Variants in CTNNA3 observed in about 807,000 individuals in gnomAD.
CTNNA3 encodes the protein catenin alpha 3, also known as catenin alpha-3.
In CTNNA3, 76 loss-of-function variants were observed where a neutral mutation model predicts 95.7. The observed-to-expected ratio is 0.79, with a 90% CI of 0.66 to 0.96. CTNNA3 has a LOEUF of 0.96. CTNNA3 is among the 40% of genes least tolerant of loss of function. The pLI, the probability that CTNNA3 is intolerant of heterozygous loss-of-function variation, is 0.00. For synonymous variants in CTNNA3, 431 were observed against 374.4 expected, an observed-to-expected ratio of 1.15 and a Z score of -1.74; for missense variants, 1,191 against 1,089.8, an observed-to-expected ratio of 1.09 and a Z score of -1.31.
chr10:67,301,481 C>T (rs1840267950), intron 5 of CTNNA3, among the ~76,000 whole-genome samples: 1 of 152,172 alleles, frequency 6.6e-6, no homozygotes, highest in Non-Finnish European at 1.5e-5. Flanking sequence ...ATCATATCAT[C>T]CAGCAATCCC....
At position 66,275,824 on chromosome 10, in the gene CTNNA3, GA is replaced by G. The variant is rs1017313852; in HGVS notation, c.1884+4645del. Reference sequence around the variant, plus strand: ...GAAAAGATGTCTACAAGGCCACCAAGAAAAAAAAAATGTTAAGGAAGAAAAT... The same window carrying G: ...GAAAAGATGTCTACAAGGCCACCAAGAAAAAAAAATGTTAAGGAAGAAAAT... On this transcript the variant is annotated intron_variant, in intron 13 of 17. Coordinates refer to ENST00000433211, the MANE Select transcript of CTNNA3 (RefSeq NM_013266.4). 2.0e-4 allele frequency among the ~76,000 whole-genome samples: 29 copies of G among 147,302 alleles called. No homozygotes were observed. The East Asian group carries it at 2.0e-3, about 10-fold the overall frequency.
chr10:67,156,841 T>C (rs1478145697), intron 7 of CTNNA3, among the ~76,000 whole-genome samples: 1 of 152,110 alleles, frequency 6.6e-6, no homozygotes, highest in Non-Finnish European at 1.5e-5. Context: ...TGCTTCCTTA[T>C]TGATATTTTG....
intron 5 of CTNNA3, among the ~76,000 whole-genome samples, chr10:67,477,826 T>C (rs1012927656): frequency 1.3e-5 from 2 of 152,144 alleles, no homozygotes; most frequent in Non-Finnish European, 2.9e-5. Context: ...TCTCCAGCAA[T>C]GATACCTAAC....
At chr10:66,698,403 G>A (rs910768797) in intron 9 of CTNNA3, among the ~76,000 whole-genome samples, 2 of 152,130 alleles carry the variant, frequency 1.3e-5, no homozygotes, top group Admixed American at 6.6e-5. Context: ...ATGTGTGTGC[G>A]CTTATTCCTT....
chr10:66,079,809 C>G (rs1324298758), intron 14 of CTNNA3, among the ~76,000 whole-genome samples: 1 of 151,840 alleles, frequency 6.6e-6, no homozygotes, highest in East Asian at 1.9e-4. Context: ...ACAGTCGTGG[C>G]AAAGAAAATA....
chr10:67,632,180 G>T (rs73270120), intron 2 of CTNNA3, among the ~76,000 whole-genome samples: 19,947 of 148,686 alleles, frequency 0.13, 2,389 homozygotes, highest in African/African-American at 0.32. Flanking sequence ...GTAACTATGG[G>T]TAGAGATGGA....
intron 12 of CTNNA3, among the ~76,000 whole-genome samples, chr10:66,372,078 T>C (rs1054246513): frequency 6.6e-6 from 1 of 152,142 alleles, no homozygotes. Flanking sequence ...ACTTTAACTG[T>C]GTTCCTATAT....
intron 3 of CTNNA3, among the ~76,000 whole-genome samples, chr10:67,585,117 G>A (rs961140161): frequency 3.3e-5 from 5 of 152,292 alleles, no homozygotes; most frequent in Admixed American, 6.5e-5. Context: ...AGTTGGAAAT[G>A]CAGAAATCAC....
intron 10 of CTNNA3, among the ~76,000 whole-genome samples, chr10:66,599,733 G>C (rs1224138951): frequency 6.6e-6 from 1 of 151,712 alleles, no homozygotes; most frequent in Non-Finnish European, 1.5e-5. Context: ...CATAAGCAAA[G>C]AAACTGTTCA....
intron 9 of CTNNA3, among the ~76,000 whole-genome samples, chr10:66,633,376 T>C (rs1845213169): frequency 6.6e-6 from 1 of 152,180 alleles, no homozygotes; most frequent in Admixed American, 6.6e-5. Context: ...AACATGATTC[T>C]ATTTAAAATT....
chr10:66,682,859 G>A (rs1442072129), intron 9 of CTNNA3, among the ~76,000 whole-genome samples: 1 of 152,008 alleles, frequency 6.6e-6, no homozygotes, highest in East Asian at 1.9e-4. Flanking sequence ...GGGCCAACAA[G>A]CATTTGCTCT....
intron 7 of CTNNA3, among the ~76,000 whole-genome samples, chr10:67,022,360 T>C (rs562818476): frequency 3.3e-4 from 50 of 152,262 alleles, no homozygotes; most frequent in East Asian, 2.1e-3. Flanking sequence ...TGTGTGTGTG[T>C]GTTCTATGAA....
At chr10:66,000,817 G>T (rs976283363) in intron 15 of CTNNA3, among the ~76,000 whole-genome samples, 1 of 152,168 alleles carries the variant, frequency 6.6e-6, no homozygotes, top group Non-Finnish European at 1.5e-5. Context: ...CTGACGAACA[G>T]ACAAGTTAAA....
At chr10:67,196,702 T>G (rs1416884005) in intron 6 of CTNNA3, among the ~76,000 whole-genome samples, 1 of 152,066 alleles carries the variant, frequency 6.6e-6, no homozygotes, top group South Asian at 2.1e-4. Flanking sequence ...TTTTATCTTT[T>G]TATATCAATA....
chr10:65,923,468 A>G (rs2077120441), intron 17 of CTNNA3, among the ~76,000 whole-genome samples: 1 of 152,206 alleles, frequency 6.6e-6, no homozygotes, highest in Non-Finnish European at 1.5e-5. Context: ...TTGTTTCTGA[A>G]CAGATTTTTA....
intron 12 of CTNNA3, among the ~76,000 whole-genome samples, chr10:66,330,379 T>A (rs1589097311): frequency 1.3e-5 from 2 of 152,054 alleles, no homozygotes; most frequent in South Asian, 2.1e-4. Flanking sequence ...TTCATCCATG[T>A]CCCTGCAAAG....
At chr10:66,273,866 G>A (rs1221842630) in intron 13 of CTNNA3, among the ~76,000 whole-genome samples, 1 of 151,886 alleles carries the variant, frequency 6.6e-6, no homozygotes, top group Non-Finnish European at 1.5e-5. Flanking sequence ...GAGTAGAGGA[G>A]GGTGGAGAGT....
At chr10:66,624,924 G>C (rs1208590846) in intron 9 of CTNNA3, among the ~76,000 whole-genome samples, 2 of 152,002 alleles carry the variant, frequency 1.3e-5, no homozygotes, top group African/African-American at 4.8e-5. Context: ...TTGGTATTTT[G>C]CTACATCCTT....
At chr10:66,687,354 C>T (rs2132523091) in intron 9 of CTNNA3, among the ~76,000 whole-genome samples, 1 of 152,114 alleles carries the variant, frequency 6.6e-6, no homozygotes, top group Middle Eastern at 3.4e-3. Context: ...TTCTTGATGC[C>T]TCCCATTTCT....
Sources: gnomAD v4.1 joint callset for allele counts (sites outside exome capture counted in the v4.1 genomes callset) on GRCh38, gnomAD v4.1.1 for gene constraint, MANE v1.5 for transcripts, NCBI Gene and HGNC (gene_info 2026-07-23, HGNC 2026-07-21) for gene names.